Variants in TMEM40 observed in about 807,000 individuals in gnomAD.
TMEM40 encodes transmembrane protein 40.
A neutral mutation model predicts 40.8 loss-of-function variants in TMEM40; 34 were observed. The observed-to-expected ratio is 0.83, with a 90% CI of 0.63 to 1.11. The LOEUF is 1.11. TMEM40 is among the 50% of genes least tolerant of loss of function. TMEM40 has a pLI of 0.00. For missense variants in TMEM40, 296 were observed against 280.2 expected, an observed-to-expected ratio of 1.06 and a Z score of -0.40; for synonymous variants, 106 against 107.0, an observed-to-expected ratio of 0.99 and a Z score of 0.06.
intron 1 of TMEM40, chr3:12,769,152 A>G (rs545434804): frequency 4.7e-5 from 12 of 255,280 alleles, no homozygotes; most frequent in South Asian, 3.4e-4. Context: ...GGGCCTCTCC[A>G]AGTGCGGGGC....
At chr3:12,750,148 T>C (rs1324765502) in intron 1 of TMEM40, among the ~76,000 whole-genome samples, 6 of 151,428 alleles carry the variant, frequency 4.0e-5, no homozygotes, top group Admixed American at 6.6e-5. Context: ...TTTTCTTTTT[T>C]TTTTTTTGTG....
chr3:12,738,226 C>G lies in TMEM40; in HGVS notation c.392-58G>C, dbSNP rs2061352581. ...CCCCGCTTGGGGTCCTTAACAGGTG[C>G]CTCCACCCTGGGGAAGGCTATAGGT... is the stretch of plus-strand genomic sequence containing the variant. On this transcript the variant is annotated intron_variant, in intron 6 of 11. Coordinates refer to ENST00000314124, the MANE Select transcript of TMEM40 (RefSeq NM_018306.4). 7.5e-6 allele frequency: 12 copies of G among 1,600,336 alleles called. No individual in the cohort carries two copies. The South Asian group carries it at 1.2e-4, about 16-fold the overall frequency.
chr3:12,758,936 T>C (rs2061549924), intron 1 of TMEM40, among the ~76,000 whole-genome samples: 1 of 152,100 alleles, frequency 6.6e-6, no homozygotes, highest in African/African-American at 2.4e-5. Flanking sequence ...GTGACAGAAT[T>C]GGGAGCTGGT....
chr3:12,759,754 G>T (rs2061556333), upstream of TMEM40, among the ~76,000 whole-genome samples: 2 of 152,148 alleles, frequency 1.3e-5, no homozygotes, highest in African/African-American at 4.8e-5. Context: ...GAGGAAACTG[G>T]GTTACAGCTA....
chr3:12,741,954 G>A lies in TMEM40; in HGVS notation c.355+500C>T, dbSNP rs142351952. Among the ~76,000 whole-genome samples, 133 of 151,982 alleles carry A rather than the reference G, an allele frequency of 8.8e-4. No individual in the cohort carries two copies. In the East Asian group the frequency reaches 0.023, roughly 26 times the overall value. On this transcript the variant is annotated intron_variant, in intron 5 of 11. Coordinates refer to ENST00000314124, the MANE Select transcript of TMEM40 (RefSeq NM_018306.4). ...TACTAAAAAATACAAAAAATTGGCC[G>A]GGCGCGGTGGCTCACGCCTGTAATC... is the stretch of plus-strand genomic sequence containing the variant.
chr3:12,760,531 C>G (rs1004304372), upstream of TMEM40, among the ~76,000 whole-genome samples: 2 of 152,044 alleles, frequency 1.3e-5, no homozygotes, highest in African/African-American at 2.4e-5. Context: ...CCTGGCCCCC[C>G]GCTCACTTCA....
upstream of TMEM40, among the ~76,000 whole-genome samples, chr3:12,760,813 C>T (rs1414933603): frequency 2.6e-5 from 4 of 151,766 alleles, no homozygotes; most frequent in African/African-American, 9.7e-5. Context: ...ACGATCATCA[C>T]TCACTGCAAA....
In TMEM40 at chr3:12,738,596, G is replaced by A; in HGVS notation, c.356-8C>T. The A allele has an allele frequency of 6.2e-7, 1 of 1,613,888 alleles. No homozygotes were observed. Reference sequence around the variant, plus strand: ...CCACCTCTCCAGGAGCATCTGCACAGAAAGGAAATCAGTGATCATATACCC... The same window carrying A: ...CCACCTCTCCAGGAGCATCTGCACAAAAAGGAAATCAGTGATCATATACCC... On this transcript the variant is annotated splice_polypyrimidine_tract_variant and splice_region_variant and intron_variant, in intron 5 of 11. Coordinates refer to ENST00000314124, the MANE Select transcript of TMEM40 (RefSeq NM_018306.4).
intron 6 of TMEM40, 117 bp from the exon 7 acceptor site, chr3:12,738,285 C>T: frequency 3.3e-6 from 4 of 1,196,840 alleles, no homozygotes; most frequent in Non-Finnish European, 4.9e-6. Context: ...AATTCTGCAG[C>T]CCCCACGGTA....
chr3:12,755,264 TTTC>T (rs765421674), intron 1 of TMEM40, among the ~76,000 whole-genome samples: 2 of 121,286 alleles, frequency 1.6e-5, no homozygotes, highest in South Asian at 4.9e-4. Flanking sequence ...TCTTTCTTTC[TTTC>T]TTTCTTTCTT....
chr3:12,751,374 C>A (rs151238246), intron 1 of TMEM40, among the ~76,000 whole-genome samples: 1 of 150,950 alleles, frequency 6.6e-6, no homozygotes, highest in Non-Finnish European at 1.5e-5. Flanking sequence ...CTCTGCCTCC[C>A]GGATTCAAGT....
chr3:12,766,835 T>C (rs542964644), intron 1 of TMEM40, among the ~76,000 whole-genome samples: 1 of 150,898 alleles, frequency 6.6e-6, no homozygotes, highest in South Asian at 2.1e-4. Context: ...ACAAGGAGTT[T>C]AGGGGCAGAG....
At chr3:12,742,872 C>A (rs2061394720) in intron 4 of TMEM40, among the ~76,000 whole-genome samples, 1 of 152,092 alleles carries the variant, frequency 6.6e-6, no homozygotes, top group Admixed American at 6.5e-5. Context: ...TAGTACCTAC[C>A]CCACCCATTA....
At position 12,737,917 on chromosome 3, in the gene TMEM40, T is replaced by C. The variant is rs1230144031; in HGVS notation, c.425-163A>G. 4.4e-6 allele frequency: 4 copies of C among 918,270 alleles called. No homozygotes were observed. The Admixed American group carries it at 8.5e-5, about 20-fold the overall frequency. 56.9% of individuals were successfully genotyped at this position (918,270 alleles called of 1,614,324 possible). A position where few individuals can be genotyped will look rare whatever the true frequency, so the allele number is the denominator to read the frequency against. On this transcript the variant is annotated intron_variant, in intron 7 of 11. Coordinates refer to ENST00000314124, the MANE Select transcript of TMEM40 (RefSeq NM_018306.4). The stretch of plus-strand genomic sequence containing the variant: ...AACTGTGAAGATGGGGGTACTGTCC[T>C]TGGAACCCCCACTGACTTCCTCCTC...
chr3:12,736,445 TG>T, intron 10 of TMEM40, 132 bp downstream of exon 10: 2 of 1,156,928 alleles, frequency 1.7e-6, no homozygotes, highest in Non-Finnish European at 1.2e-6. Flanking sequence ...CCACCGCGCC[TG>T]GCCAGAAAAT....
chr3:12,737,881 A>C, intron 7 of TMEM40, 127 bp from the exon 8 acceptor site: 1 of 1,024,644 alleles, frequency 9.8e-7, no homozygotes, highest in Non-Finnish European at 1.5e-6. Context: ...CACTCACTGC[A>C]GGACCAGTCA....
intron 1 of TMEM40, among the ~76,000 whole-genome samples, chr3:12,769,053 C>T (rs7641615): frequency 0.046 from 6,966 of 152,134 alleles, 186 homozygotes; most frequent in East Asian, 0.086. Flanking sequence ...TCGAGTGCAG[C>T]GCCAGTAGGC....
At chr3:12,763,335 C>T (rs1242969699), upstream of TMEM40, among the ~76,000 whole-genome samples, 1 of 152,090 alleles carries the variant, frequency 6.6e-6, no homozygotes, top group African/African-American at 2.4e-5. Flanking sequence ...GTACCTGGTA[C>T]AGGATGGATG....
At chr3:12,761,422 T>C (rs1374852103), upstream of TMEM40, among the ~76,000 whole-genome samples, 2 of 151,996 alleles carry the variant, frequency 1.3e-5, no homozygotes, top group Non-Finnish European at 2.9e-5. Flanking sequence ...CTGGCCAACA[T>C]GGTGAAACTC....
Sources: allele counts gnomAD v4.1 joint callset (sites outside exome capture counted in the v4.1 genomes callset), GRCh38; gene constraint gnomAD v4.1.1; transcripts MANE v1.5; gene names NCBI Gene and HGNC (gene_info 2026-07-23, HGNC 2026-07-21).